Variants in TFDP2 observed in about 807,000 individuals in gnomAD.
The protein encoded by TFDP2 is transcription factor Dp-2 (E2F dimerization partner 2).
A neutral mutation model predicts 59.3 loss-of-function variants in TFDP2; 17 were observed. The ratio of observed to expected loss-of-function variants is 0.29; its 90% CI spans 0.20 to 0.43. TFDP2 has a LOEUF of 0.43. Ranked by LOEUF, TFDP2 falls within the 20% of genes least tolerant of loss-of-function variation. The pLI is 1.00. For synonymous variants in TFDP2, 180 were observed against 194.7 expected, an observed-to-expected ratio of 0.92 and a Z score of 0.63; for missense variants, 391 against 528.8, an observed-to-expected ratio of 0.74 and a Z score of 2.56.
rs1488913884 is a variant in TFDP2, at chr3:141,951,063, C to G, written c.*1450G>C. 3 of 152,176 alleles carry G rather than the reference C, an allele frequency of 2.0e-5. No homozygotes were observed. The highest frequency in any genetic ancestry group is 4.4e-5 in the Non-Finnish European group (3 of 68,024). The allele number at this position is 152,176 out of a possible 1,614,324, so 9.4% of individuals were successfully genotyped here. ...TATAAAGAGGCACCACAGGAAGGAG[C>G]CTGCACTTCCCCCATGGGATTTAAA... On this transcript the variant is annotated 3_prime_UTR_variant, in exon 13 of 13. Coordinates refer to ENST00000489671, the MANE Select transcript of TFDP2 (RefSeq NM_001178139.2).
chr3:141,968,337 A>ATATATCAT (rs1938516578), intron 9 of TFDP2, among the ~76,000 whole-genome samples: 1 of 119,642 alleles, frequency 8.4e-6, no homozygotes, highest in Admixed American at 9.5e-5. Flanking sequence ...TAATATATAT[A>ATATATCAT]ATATATAACT....
chr3:142,112,073 A>T (rs2061685423), intron 1 of TFDP2, among the ~76,000 whole-genome samples: 1 of 152,190 alleles, frequency 6.6e-6, no homozygotes, highest in African/African-American at 2.4e-5. Context: ...CTAAAAAAAA[A>T]AAAATTAAAT....
At position 142,121,488 on chromosome 3, in the gene TFDP2, G is replaced by A. The variant is rs1010071450; in HGVS notation, c.-92-19647C>T. On this transcript the variant is annotated intron_variant, in intron 1 of 12. Transcript: ENST00000489671. The surrounding 1 kb of genome is among the most constrained non-coding windows in gnomAD (Gnocchi z 4.3). The stretch of plus-strand genomic sequence containing the variant: ...ATAGAGATAATTAGTTAAAATTACA[G>A]AATTAAGAACTATGAGATGAAAATG... Among the ~76,000 whole-genome samples the A allele has an allele frequency of 6.6e-6, 1 of 152,134 alleles. No individual in the cohort carries two copies. The highest frequency in any genetic ancestry group is 1.5e-5 in the Non-Finnish European group (1 of 68,018).
chr3:142,086,006 A>C (rs2060801769), intron 3 of TFDP2, among the ~76,000 whole-genome samples: 1 of 152,040 alleles, frequency 6.6e-6, no homozygotes, highest in Non-Finnish European at 1.5e-5. Context: ...CATGCTTATC[A>C]TTTCTTTCCC....
In TFDP2 at chr3:141,970,066, T is replaced by A. The variant is rs369693263; in HGVS notation, c.732+7A>T. ...GGAAGGTAATGAAAACATCTCGGTA[T>A]CTTTACCTGTAGGAGAAGTTCTTGC... On this transcript the variant is annotated splice_region_variant and intron_variant, in intron 9 of 12. Transcript: ENST00000489671. 6.8e-6 allele frequency: 11 copies of A among 1,613,620 alleles called. No individual in the cohort carries two copies. The highest frequency in any genetic ancestry group is 9.3e-6 in the Non-Finnish European group (11 of 1,179,490).
intron 3 of TFDP2, among the ~76,000 whole-genome samples, chr3:142,009,243 C>T (rs753769039): frequency 6.6e-6 from 1 of 152,150 alleles, no homozygotes; most frequent in Non-Finnish European, 1.5e-5. Context: ...TGCCAAACTT[C>T]CTGCAATACA....
intron 11 of TFDP2, among the ~76,000 whole-genome samples, chr3:141,956,215 CAT>C (rs1339597456): frequency 1.3e-5 from 2 of 152,112 alleles, no homozygotes; most frequent in Admixed American, 1.3e-4. Flanking sequence ...ACATGTAAAA[CAT>C]AGTGCTTCTG....
intron 11 of TFDP2, among the ~76,000 whole-genome samples, chr3:141,955,449 G>C (rs1936489369): frequency 6.6e-6 from 1 of 152,164 alleles, no homozygotes; most frequent in Non-Finnish European, 1.5e-5. Context: ...GATTCTGCTG[G>C]CCTTCCAATG....
At position 142,001,998 on chromosome 3, in the gene TFDP2, T is replaced by G. The variant is rs537302360; in HGVS notation, c.186+3443A>C. 4.6e-5 allele frequency among the ~76,000 whole-genome samples: 7 copies of G among 151,012 alleles called. 1 individual carries two copies. The highest frequency in any genetic ancestry group is 4.2e-4 in the South Asian group (2 of 4,782). On this transcript the variant is annotated intron_variant, in intron 4 of 12. Coordinates refer to ENST00000489671, the MANE Select transcript of TFDP2 (RefSeq NM_001178139.2). ...AGGTGCCACCATGCCTGGTTTTTTT[T>G]TTTTTTTTTTGTCTGAGACAAAGTC...
At chr3:142,147,848 C>G (rs1470104869) in intron 1 of TFDP2, among the ~76,000 whole-genome samples, 4 of 152,064 alleles carry the variant, frequency 2.6e-5, no homozygotes, top group Non-Finnish European at 5.9e-5. Context: ...CTGGTGCTGT[C>G]TGAGAATGGA....
At chr3:142,043,964 C>T in intron 3 of TFDP2, 1 of 749,032 alleles carries the variant, frequency 1.3e-6, no homozygotes, top group Non-Finnish European at 2.4e-6. Context: ...TTCCGCTTAC[C>T]TATGCCACTG....
intron 10 of TFDP2, among the ~76,000 whole-genome samples, chr3:141,960,618 TAAAACTTTATACCCTATCTAAGATA>T (rs915693245): frequency 1.1e-4 from 16 of 152,158 alleles, no homozygotes; most frequent in African/African-American, 3.9e-4. Context: ...CATGTGAGGG[TAAAACTTTATACCCTATCTAAGATA>T]ATTTGAATAA....
rs151323964 is a variant in TFDP2, at chr3:142,116,022, T to C, written c.-92-14181A>G. Among the ~76,000 whole-genome samples, 569 of 152,272 alleles carry C rather than the reference T, an allele frequency of 3.7e-3. 4 individuals carry two copies. The highest frequency in any genetic ancestry group is 0.013 in the African/African-American group (528 of 41,566). ...TAAGATGTTACCACTTGGGGGAAGTTGGGCTACGGGTAAATGGGATTTCTC... is the reference window on the plus strand; with the variant it reads ...TAAGATGTTACCACTTGGGGGAAGTCGGGCTACGGGTAAATGGGATTTCTC... On this transcript the variant is annotated intron_variant, in intron 1 of 12. Transcript: ENST00000489671.
At chr3:141,958,808 C>T (rs996408003) in intron 11 of TFDP2, among the ~76,000 whole-genome samples, 1 of 152,114 alleles carries the variant, frequency 6.6e-6, no homozygotes, top group Non-Finnish European at 1.5e-5. Flanking sequence ...CAGGTTTACC[C>T]CGTTCTGCCC....
intron 4 of TFDP2, among the ~76,000 whole-genome samples, chr3:142,003,986 G>GT (rs1157996065): frequency 6.6e-6 from 1 of 152,186 alleles, no homozygotes; most frequent in Non-Finnish European, 1.5e-5. Flanking sequence ...AAAAATTTGA[G>GT]TATGTTTAAT....
rs1369802319 is a variant in TFDP2 at position 142,093,042 on chromosome 3, T to C, written c.82+19A>G. On this transcript the variant is annotated intron_variant, in intron 3 of 12. Transcript: ENST00000489671. ...TAAAACTAACTTAATTCAGAAAAATTTTATTCAATAATCCTTACCTTTTGT... is the reference window on the plus strand; with the variant it reads ...TAAAACTAACTTAATTCAGAAAAATCTTATTCAATAATCCTTACCTTTTGT... 1.3e-6 allele frequency: 2 copies of C among 1,505,972 alleles called. No individual in the cohort carries two copies. The highest frequency in any genetic ancestry group is 1.8e-6 in the Non-Finnish European group (2 of 1,129,670). 93.3% of individuals were successfully genotyped at this position (1,505,972 alleles called of 1,614,324 possible).
chr3:142,044,005 T>C (rs1403793967), intron 3 of TFDP2: 5 of 702,848 alleles, frequency 7.1e-6, no homozygotes, highest in Non-Finnish European at 1.3e-5. Flanking sequence ...AAGGTCTTTT[T>C]CCGGCATCAA....
intron 1 of TFDP2, among the ~76,000 whole-genome samples, chr3:142,133,747 C>T (rs936077424): frequency 5.3e-5 from 8 of 151,990 alleles, no homozygotes; most frequent in African/African-American, 1.4e-4. Flanking sequence ...ATCTGCCCAC[C>T]GCAGCCTCCC....
intron 9 of TFDP2, among the ~76,000 whole-genome samples, chr3:141,965,599 A>T (rs1188185907): frequency 6.8e-6 from 1 of 148,112 alleles, no homozygotes; most frequent in Non-Finnish European, 1.5e-5. Flanking sequence ...AGGGGAAGGA[A>T]AGGAAAGGAA....
Sources: gnomAD v4.1 joint callset for allele counts (sites outside exome capture counted in the v4.1 genomes callset) on GRCh38, gnomAD v4.1.1 for gene constraint, Gnocchi (gnomAD v3.1) non-coding constraint, MANE v1.5 for transcripts, NCBI Gene and HGNC (gene_info 2026-07-23, HGNC 2026-07-21) for gene names.